CYP2C8: variants seen among roughly 807,000 people sequenced by gnomAD.
CYP2C8 encodes the protein cytochrome P450 2C8.
CYP2C8 carries 51 observed loss-of-function variants against 41.3 expected under a neutral mutation model. The ratio of observed to expected loss-of-function variants is 1.24; its 90% CI spans 0.99 to 1.56. CYP2C8 has a LOEUF of 1.56. Among genes scored for constraint, CYP2C8 ranks in the 40% most tolerant of loss-of-function variants. The pLI is 0.00. For missense variants in CYP2C8, 651 were observed against 579.9 expected (o/e 1.12, Z -1.26); for synonymous variants, 218 against 205.8 (o/e 1.06, Z -0.51).
At chr10:95,065,691 C>T (rs2033546414) in intron 3 of CYP2C8, among the ~76,000 whole-genome samples, 1 of 151,952 alleles carries the variant, frequency 6.6e-6, no homozygotes, top group Non-Finnish European at 1.5e-5. Flanking sequence ...AATCATCTTC[C>T]AAATTTAATT....
At chr10:95,048,684 C>A (rs1262763093) in intron 5 of CYP2C8, among the ~76,000 whole-genome samples, 2 of 152,132 alleles carry the variant, frequency 1.3e-5, no homozygotes. Context: ...CTATTGGCTT[C>A]CAGCTAGGAG....
intron 6 of CYP2C8, 29 bp from the exon 7 acceptor site, chr10:95,043,106 A>C (rs1352739384): frequency 5.0e-6 from 8 of 1,605,836 alleles, no homozygotes; most frequent in Non-Finnish European, 6.8e-6. Context: ...GAACTGATGG[A>C]AACGAAGATA....
At chr10:95,053,989 G>A (rs546244750) in intron 5 of CYP2C8, among the ~76,000 whole-genome samples, 1 of 152,002 alleles carries the variant, frequency 6.6e-6, no homozygotes, top group Non-Finnish European at 1.5e-5. Context: ...ATAATAAAAT[G>A]TATTTATAAA....
chr10:95,068,902 A>G (rs1175150677), intron 1 of CYP2C8, among the ~76,000 whole-genome samples: 1 of 151,978 alleles, frequency 6.6e-6, no homozygotes, highest in Non-Finnish European at 1.5e-5. Context: ...CTACTAAAAC[A>G]TACAAAAAAT....
rs980289982 is a variant in CYP2C8, at chr10:95,036,988, T to C, written c.*140A>G. On this transcript the variant is annotated 3_prime_UTR_variant, in exon 9 of 9. Transcript: ENST00000371270. ...CAGTGACCTGAACAACTCTCCTTAA[T>C]GGAGTTTGGATGCTTATGGGATATT... The C allele has an allele frequency of 3.2e-5, 25 of 786,306 alleles. No individual in the cohort carries two copies. The African/African-American group carries it at 4.1e-4, about 13-fold the overall frequency. 48.7% of individuals were successfully genotyped at this position (786,306 alleles called of 1,614,324 possible).
In CYP2C8 at chr10:95,038,910, C is replaced by T. The variant is rs777387539; in HGVS notation, c.1278G>A (p.Met426Ile). The T allele has an allele frequency of 2.5e-6, 4 of 1,613,948 alleles. No individual in the cohort carries two copies. The highest frequency in any genetic ancestry group is 2.2e-5 in the South Asian group (2 of 91,084). ...AGTTTCTATTACCTGCTGAGAAAGG[C>T]ATGAAGTAGTCACTTTTCTTAAAGT... ...NGNFKKSDYF[M>I]PFSAGKRICA... is the part of the protein sequence containing the mutation. The change falls in exon 8 of 9, where the codon ATG becomes ATA. Residue 426 changes from methionine (M) to isoleucine (I), a missense_variant. Transcript: ENST00000371270.
chr10:95,067,127 C>T (rs1461479517), intron 3 of CYP2C8, 81 bp downstream of exon 3: 2 of 1,598,462 alleles, frequency 1.3e-6, no homozygotes, highest in African/African-American at 2.7e-5. Flanking sequence ...AAGACCTGGC[C>T]ACCCCTGAAA....
chr10:95,038,610 G>A (rs1272686479), intron 8 of CYP2C8, among the ~76,000 whole-genome samples: 2 of 152,070 alleles, frequency 1.3e-5, no homozygotes, highest in Non-Finnish European at 2.9e-5. Context: ...CCTTCTAGGA[G>A]GAGCTCTTGG....
intron 6 of CYP2C8, among the ~76,000 whole-genome samples, chr10:95,045,112 T>G (rs1381325548): frequency 6.6e-6 from 1 of 152,246 alleles, no homozygotes; most frequent in African/African-American, 2.4e-5. Flanking sequence ...AAGCAGGAAC[T>G]ATTTAAATGT....
chr10:95,066,791 A>G (rs1179500588), intron 3 of CYP2C8, among the ~76,000 whole-genome samples: 2 of 152,206 alleles, frequency 1.3e-5, no homozygotes, highest in African/African-American at 2.4e-5. Context: ...TTCATATTTC[A>G]TGAAGTGTGA....
chr10:95,069,435 A>T lies in CYP2C8; in HGVS notation c.-33T>A, dbSNP rs768560398. The T allele has an allele frequency of 1.9e-6, 3 of 1,594,946 alleles. No individual in the cohort carries two copies. The highest frequency in any genetic ancestry group is 3.3e-5 in the Admixed American group (2 of 59,704). The stretch of plus-strand genomic sequence containing the variant: ...TTCTCTTCTTATTAAGACAGCTGTG[A>T]GCTTGCACTCCAAAGTTTTTATAAC... On this transcript the variant is annotated 5_prime_UTR_variant, in exon 1 of 9. Coordinates refer to ENST00000371270, the MANE Select transcript of CYP2C8 (RefSeq NM_000770.3).
chr10:95,049,797 C>T (rs1414226871), intron 5 of CYP2C8, among the ~76,000 whole-genome samples: 1 of 152,006 alleles, frequency 6.6e-6, no homozygotes, highest in African/African-American at 2.4e-5. Flanking sequence ...TGCTGACATC[C>T]CCCCTCTCCT....
At chr10:95,064,630 G>T (rs756401150) in intron 4 of CYP2C8, among the ~76,000 whole-genome samples, 170 bp downstream of exon 4, 2 of 152,142 alleles carry the variant, frequency 1.3e-5, no homozygotes, top group African/African-American at 2.4e-5. Flanking sequence ...CCTAAAGATT[G>T]GAGGCTGAAA....
intron 5 of CYP2C8, among the ~76,000 whole-genome samples, chr10:95,046,891 G>T (rs935337043): frequency 1.3e-5 from 2 of 151,962 alleles, no homozygotes; most frequent in Admixed American, 1.3e-4. Flanking sequence ...ATATAGTTTG[G>T]ATAATAAATA....
intron 1 of CYP2C8, chr10:95,068,587 A>C (rs1375405205): frequency 7.0e-6 from 9 of 1,288,472 alleles, no homozygotes; most frequent in Non-Finnish European, 9.1e-6. Flanking sequence ...TTCTAATCAC[A>C]CACACTTCCC....
intron 6 of CYP2C8, among the ~76,000 whole-genome samples, chr10:95,043,757 T>TAC (rs1262109200): frequency 1.3e-5 from 2 of 151,698 alleles, no homozygotes; most frequent in East Asian, 1.9e-4. Context: ...CCCACACACG[T>TAC]ACACACACAC....
At chr10:95,047,816 A>T (rs181118159) in intron 5 of CYP2C8, among the ~76,000 whole-genome samples, 82 of 152,362 alleles carry the variant, frequency 5.4e-4, no homozygotes, top group African/African-American at 1.8e-3. Context: ...CCTCAAAAAA[A>T]GTTCCAGCTC....
intron 5 of CYP2C8, among the ~76,000 whole-genome samples, chr10:95,052,625 C>T (rs560922921): frequency 6.6e-4 from 100 of 152,236 alleles, no homozygotes; most frequent in African/African-American, 2.4e-3. Flanking sequence ...TCCCTGTATG[C>T]AAGGGTGCTT....
chr10:95,042,504 G>A (rs11572167), intron 7 of CYP2C8, among the ~76,000 whole-genome samples: 4 of 152,116 alleles, frequency 2.6e-5, no homozygotes, highest in Non-Finnish European at 5.9e-5. Flanking sequence ...AGACATTACT[G>A]AGAAAATAGA....
Sources: gnomAD v4.1 joint callset for allele counts (sites outside exome capture counted in the v4.1 genomes callset) on GRCh38, gnomAD v4.1.1 for gene constraint, MANE v1.5 for transcripts, NCBI Gene and HGNC (gene_info 2026-07-23, HGNC 2026-07-21) for gene names.